CNP: variants seen among roughly 807,000 people sequenced by gnomAD.
CNP encodes the protein 2',3'-cyclic-nucleotide 3'-phosphodiesterase.
Under a neutral mutation model 37.9 loss-of-function variants are expected in CNP, and 8 were observed. That is an observed-to-expected ratio of 0.21 (90% CI 0.12 to 0.38). CNP has a LOEUF of 0.38. CNP is among the 10% of genes least tolerant of loss of function. The pLI is 1.00. For synonymous variants in CNP, 237 were observed against 238.3 expected, an observed-to-expected ratio of 0.99 and a Z score of 0.05; for missense variants, 457 against 551.0, an observed-to-expected ratio of 0.83 and a Z score of 1.71.
Position 41,973,940 on chromosome 17 carries a change from CT to C in CNP, c.*18del. On this transcript the variant is annotated 3_prime_UTR_variant, in exon 4 of 4. Transcript: ENST00000393892. Reference sequence around the variant, plus strand: ...CATCATATGAGTGTTCTCACCACCACTTATGCCCCTAGAAGGGAAGGGGAGA... The same window carrying C: ...CATCATATGAGTGTTCTCACCACCACTATGCCCCTAGAAGGGAAGGGGAGA... The C allele has an allele frequency of 6.7e-7, 1 of 1,488,468 alleles. No individual in the cohort carries two copies. Among genetic ancestry groups the C allele is most frequent in the South Asian group, 1.4e-5 (1 of 72,184 alleles). The allele number at this position is 1,488,468 out of a possible 1,614,324, so 92.2% of individuals were successfully genotyped here.
chr17:41,973,644 CCCA>C lies in CNP; in HGVS notation c.988_990del (p.His330del). On this transcript the variant is annotated inframe_deletion, in exon 4 of 4. Transcript: ENST00000393892. ...GACAACCTGCCGCGGGGGAGCCGCG[CCCA>C]CATCACCCTCGGCTGTGCAGCTGAC... 1 of 1,614,114 alleles carries C rather than the reference CCCA, an allele frequency of 6.2e-7. No individual in the cohort carries two copies. Among genetic ancestry groups the C allele is most frequent in the Non-Finnish European group, 8.5e-7 (1 of 1,180,034 alleles).
rs782795947 is a variant in CNP at position 41,976,644 on chromosome 17, C to A, written c.*2720C>A. 2 of 1,531,094 alleles carry A rather than the reference C, an allele frequency of 1.3e-6. No individual in the cohort carries two copies. Among genetic ancestry groups the A allele is most frequent in the Non-Finnish European group, 1.8e-6 (2 of 1,125,736 alleles). The allele number at this position is 1,531,094 out of a possible 1,614,324, so 94.8% of individuals were successfully genotyped here. The stretch of plus-strand genomic sequence containing the variant: ...CGAAACTGCTCTAAGCACACGGAGA[C>A]GTGATGAAGGGAGGAGGTGAACTGT... On this transcript the variant is annotated 3_prime_UTR_variant, in exon 4 of 4. Transcript: ENST00000393892.
intron 3 of CNP, 67 bp downstream of exon 3, chr17:41,972,098 T>C: frequency 6.3e-7 from 1 of 1,582,390 alleles, no homozygotes; most frequent in Non-Finnish European, 8.6e-7. Context: ...CAGCATCTTC[T>C]GAAGATAGGT....
rs2051084801 is a variant in CNP at position 41,976,554 on chromosome 17, T to C, written c.*2630T>C. Reference sequence around the variant, plus strand: ...CCCCGCCTCCCTCCCCTGCCCTCGGTCTTCGGCATTGGTTCCCTTTGCTCC... The same window carrying C: ...CCCCGCCTCCCTCCCCTGCCCTCGGCCTTCGGCATTGGTTCCCTTTGCTCC... On this transcript the variant is annotated 3_prime_UTR_variant, in exon 4 of 4. Transcript: ENST00000393892. 3 of 691,158 alleles carry C rather than the reference T, an allele frequency of 4.3e-6. No homozygotes were observed. The highest frequency in any genetic ancestry group is 2.1e-5 in the South Asian group (1 of 48,748). 42.8% of individuals were successfully genotyped at this position (691,158 alleles called of 1,614,324 possible). A position where few individuals can be genotyped will look rare whatever the true frequency, so the allele number is the denominator to read the frequency against.
Position 41,968,620 on chromosome 17 carries a change from C to T in CNP, c.556C>T (p.Leu186=), listed in dbSNP as rs990691666. ...GAAGCCTGGGCTGGAGAAGGACTTCCTGCCGCTCTACTTCGGCTGGTTCCT... is the reference window on the plus strand; with the variant it reads ...GAAGCCTGGGCTGGAGAAGGACTTCTTGCCGCTCTACTTCGGCTGGTTCCT... ...KLKPGLEKDF[L]PLYFGWFLTK... The change falls in exon 2 of 4, where the codon CTG becomes TTG. Residue 186 remains leucine (L), a synonymous_variant. Transcript: ENST00000393892. This position sits in a 1 kb window ranked among gnomAD's most constrained non-coding sequence, Gnocchi z 4.8. 1.9e-6 allele frequency: 3 copies of T among 1,614,168 alleles called. No individual in the cohort carries two copies. Among genetic ancestry groups the T allele is most frequent in the Non-Finnish European group, 8.5e-7 (1 of 1,180,032 alleles).
At position 41,973,935 on chromosome 17, in the gene CNP, C is replaced by T. The variant is rs782695579; in HGVS notation, c.*11C>T. ...TGCACCATCATATGAGTGTTCTCACCACCACTTATGCCCCTAGAAGGGAAG... is the reference window on the plus strand; with the variant it reads ...TGCACCATCATATGAGTGTTCTCACTACCACTTATGCCCCTAGAAGGGAAG... On this transcript the variant is annotated 3_prime_UTR_variant, in exon 4 of 4. Coordinates refer to ENST00000393892, the MANE Select transcript of CNP (RefSeq NM_033133.5). 76 of 1,501,546 alleles carry T rather than the reference C, an allele frequency of 5.1e-5. No homozygotes were observed. The highest frequency in any genetic ancestry group is 6.7e-5 in the Non-Finnish European group (76 of 1,126,952). 93.0% of individuals were successfully genotyped at this position (1,501,546 alleles called of 1,614,324 possible). A position where few individuals can be genotyped will look rare whatever the true frequency, so the allele number is the denominator to read the frequency against.
chr17:41,967,608 T>C, intron 1 of CNP: 1 of 972,282 alleles, frequency 1.0e-6, no homozygotes, highest in Non-Finnish European at 1.2e-6. Context: ...GACAAGAGAG[T>C]ATTATCTGTT....
At position 41,973,455 on chromosome 17, in the gene CNP, C is replaced by A; in HGVS notation, c.817-20C>A. The A allele has an allele frequency of 6.2e-7, 1 of 1,600,214 alleles. No individual in the cohort carries two copies. Among genetic ancestry groups the A allele is most frequent in the Non-Finnish European group, 8.5e-7 (1 of 1,171,638 alleles). On this transcript the variant is annotated intron_variant, in intron 3 of 3. Transcript: ENST00000393892. ...AGCCTGCCATCTCTAGCTTGGGCCCCTCTTTCTCACTCTCCCCAGGTGTTA... is the reference window on the plus strand; with the variant it reads ...AGCCTGCCATCTCTAGCTTGGGCCCATCTTTCTCACTCTCCCCAGGTGTTA...
Position 41,968,732 on chromosome 17 carries a change from T to C in CNP, c.668T>C (p.Leu223Pro). Residue 223 changes from leucine (L) to proline (P), a missense_variant, in exon 2 of 4, where the codon CTG (leucine) becomes CCG (proline). Physicochemically the swap from Leu to Pro is moderately conservative, Grantham distance 98. This residue lies in a region of CNP where 291 missense variants were observed against 291.7 expected (regional missense o/e 1.00). Coordinates refer to ENST00000393892, the MANE Select transcript of CNP (RefSeq NM_033133.5). This position sits in a 1 kb window ranked among gnomAD's most constrained non-coding sequence, Gnocchi z 4.8. ...AACCACAAGGCCTTCAAGAAGGAGC[T>C]GCGACAATGTAGGTGGCAGGTTGGG... is the stretch of plus-strand genomic sequence containing the variant. ...LGNHKAFKKE[L>P]RQFVPGDEPR... 1 of 1,608,602 alleles carries C rather than the reference T, an allele frequency of 6.2e-7. No homozygotes were observed.
At chr17:41,972,704 T>TTTAAG (rs1367815110) in intron 3 of CNP, among the ~76,000 whole-genome samples, 1 of 152,154 alleles carries the variant, frequency 6.6e-6, no homozygotes, top group Non-Finnish European at 1.5e-5. Flanking sequence ...AGGGCGAGTT[T>TTTAAG]TTAAGTTTCG....
rs372142717 is a variant in CNP, at chr17:41,973,887, G to A, written c.1229G>A (p.Arg410Gln). The change falls in exon 4 of 4, where the codon CGG becomes CAG. Residue 410 changes from arginine to glutamine, a missense_variant. By Grantham distance (43) the Arg-to-Gln change is conservative. Transcript: ENST00000393892. Reference sequence around the variant, plus strand: ...AAACCTGTGCCCACGCAAGGTAGCCGGAAGGGGGGCGCCTTGCAGTCCTGC... The same window carrying A: ...AAACCTGTGCCCACGCAAGGTAGCCAGAAGGGGGGCGCCTTGCAGTCCTGC... ...KGKPVPTQGS[R>Q]KGGALQSCTI... is the part of the protein sequence containing the mutation. 15 of 1,564,842 alleles carry A rather than the reference G, an allele frequency of 9.6e-6. No homozygotes were observed. Among genetic ancestry groups the A allele is most frequent in the African/African-American group, 2.7e-5 (2 of 73,950 alleles).
chr17:41,971,581 G>T, intron 2 of CNP: 1 of 206,944 alleles, frequency 4.8e-6, no homozygotes, highest in Non-Finnish European at 9.9e-6. Context: ...TGTATTTTTA[G>T]TAGAGACGGG....
At chr17:41,967,887 C>CA in intron 1 of CNP, 181 bp from the exon 2 acceptor site, 1 of 1,428,602 alleles carries the variant, frequency 7.0e-7, no homozygotes, top group Non-Finnish European at 9.1e-7. Context: ...GAGCTTCAGA[C>CA]AAGCTTCCCT....
At chr17:41,967,594 G>C (rs1022444596) in intron 1 of CNP, 3 of 941,354 alleles carry the variant, frequency 3.2e-6, no homozygotes, top group Non-Finnish European at 3.8e-6. Context: ...GTACCCGCAT[G>C]CCAGACAAGA....
Position 41,977,107 on chromosome 17 carries a change from T to A in CNP, c.*3183T>A, listed in dbSNP as rs2051104967. On this transcript the variant is annotated 3_prime_UTR_variant, in exon 4 of 4. Coordinates refer to ENST00000393892, the MANE Select transcript of CNP (RefSeq NM_033133.5). ...GTGCCTGGGAACCTTCCTGTCTTCA[T>A]CCTTAGCAACAGCCGAGTGGATAGA... The A allele has an allele frequency of 3.7e-6, 3 of 811,300 alleles. No homozygotes were observed. Among genetic ancestry groups the A allele is most frequent in the Non-Finnish European group, 5.8e-6 (3 of 512,916 alleles). The allele number at this position is 811,300 out of a possible 1,614,324, so 50.3% of individuals were successfully genotyped here. A position where few individuals can be genotyped will look rare whatever the true frequency, so the allele number is the denominator to read the frequency against.
In CNP at chr17:41,974,970, C is replaced by T. The variant is rs2051054436; in HGVS notation, c.*1046C>T. ...CCTGGCTGGTAAGGGCCAAGTCCCA[C>T]CGGTTGCTTCTGGGAAGGGGTTTCT... On this transcript the variant is annotated 3_prime_UTR_variant, in exon 4 of 4. Coordinates refer to ENST00000393892, the MANE Select transcript of CNP (RefSeq NM_033133.5). The T allele has an allele frequency of 6.6e-6, 1 of 152,360 alleles. No homozygotes were observed. The highest frequency in any genetic ancestry group is 2.4e-5 in the African/African-American group (1 of 41,446). 9.4% of individuals were successfully genotyped at this position (152,360 alleles called of 1,614,324 possible). A position where few individuals can be genotyped will look rare whatever the true frequency, so the allele number is the denominator to read the frequency against.
chr17:41,971,733 A>G (rs1420835219), intron 2 of CNP, 159 bp from the exon 3 acceptor site: 3 of 925,706 alleles, frequency 3.2e-6, no homozygotes, highest in Admixed American at 2.7e-5. Flanking sequence ...TAAAGTTGCC[A>G]TTAGTTTGAC....
In CNP at chr17:41,968,232, C is replaced by A. The variant is rs138346889; in HGVS notation, c.168C>A (p.Arg56=). ...AGTGCAAGACGCTCTTCATCTTGCG[C>A]GGCCTGCCAGGAAGCGGCAAGTCCA... The part of the protein sequence containing the change: ...LLECKTLFIL[R]GLPGSGKSTL... Residue 56 remains arginine, a synonymous_variant, in exon 2 of 4, where the codon CGC becomes CGA. Coordinates refer to ENST00000393892, the MANE Select transcript of CNP (RefSeq NM_033133.5). This position sits in a 1 kb window ranked among gnomAD's most constrained non-coding sequence, Gnocchi z 4.8. 6.2e-7 allele frequency: 1 copy of A among 1,614,214 alleles called. No individual in the cohort carries two copies. Among genetic ancestry groups the A allele is most frequent in the East Asian group, 2.2e-5 (1 of 44,888 alleles).
chr17:41,977,469 G>A lies in CNP; in HGVS notation c.*3545G>A, dbSNP rs2051120181. Reference sequence around the variant, plus strand: ...CCTTTCCCAACACTTCAGACTGCAAGTGAGCAAACCTGCCCCATCCCGTGC... The same window carrying A: ...CCTTTCCCAACACTTCAGACTGCAAATGAGCAAACCTGCCCCATCCCGTGC... On this transcript the variant is annotated 3_prime_UTR_variant, in exon 4 of 4. Transcript: ENST00000393892. 7.1e-6 allele frequency: 5 copies of A among 701,224 alleles called. No homozygotes were observed. The highest frequency in any genetic ancestry group is 2.4e-6 in the Non-Finnish European group (1 of 415,306). The allele number at this position is 701,224 out of a possible 1,614,324, so 43.4% of individuals were successfully genotyped here.
Sources: allele counts gnomAD v4.1 joint callset (sites outside exome capture counted in the v4.1 genomes callset), GRCh38; gene constraint gnomAD v4.1.1; regional missense constraint gnomAD v4.1.1; non-coding constraint Gnocchi (gnomAD v3.1); transcripts MANE v1.5; gene names NCBI Gene and HGNC (gene_info 2026-07-23, HGNC 2026-07-21).